Variants in PDE4D observed in about 807,000 individuals in gnomAD.
PDE4D encodes 3',5'-cyclic-AMP phosphodiesterase 4D.
In PDE4D, 24 loss-of-function variants were observed where a neutral mutation model predicts 87.4. The ratio of observed to expected loss-of-function variants is 0.27; its 90% CI spans 0.20 to 0.39. The LOEUF (loss-of-function observed/expected upper bound fraction) is 0.39, where lower values mean the gene tolerates loss of function less well. PDE4D is among the 10% of genes least tolerant of loss of function. The pLI is 1.00. For synonymous variants in PDE4D, 384 were observed against 383.2 expected, an observed-to-expected ratio of 1.00 and a Z score of -0.02; for missense variants, 714 against 1,041.0, an observed-to-expected ratio of 0.69 and a Z score of 4.32.
rs923790386 is a variant in PDE4D, at chr5:59,392,284, C to A, written c.456-176316G>T. Among the ~76,000 whole-genome samples the A allele has an allele frequency of 4.0e-5, 6 of 151,614 alleles. No individual in the cohort carries two copies. In the East Asian group the frequency reaches 1.2e-3, roughly 29 times the overall value. On this transcript the variant is annotated intron_variant, in intron 1 of 14. Transcript: ENST00000340635. ...CCAGCGCTGCTAGAATATAAGCAGG[C>A]AGAAACATGTGAAAAGAAAGACTGG...
Position 60,106,324 on chromosome 5 carries a change from T to C in PDE4D, c.42+79233A>G, listed in dbSNP as rs528721502. On this transcript the variant is annotated intron_variant, in intron 2 of 16. Transcript: ENST00000502484. ...AAGAGCTAACTATACTAAATATATA[T>C]GCACCCAATACAGGAGCACCCAGAT... 2.8e-4 allele frequency among the ~76,000 whole-genome samples: 43 copies of C among 151,946 alleles called. No homozygotes were observed. In the East Asian group the frequency reaches 7.4e-3, roughly 26 times the overall value.
At chr5:60,256,228 C>T (rs1209728765) in intron 1 of PDE4D, among the ~76,000 whole-genome samples, 2 of 151,818 alleles carry the variant, frequency 1.3e-5, no homozygotes, top group Non-Finnish European at 2.9e-5. Context: ...GTTCCAAAAT[C>T]ACATAATCCC....
At chr5:60,257,152 T>G (rs1749140668) in intron 1 of PDE4D, among the ~76,000 whole-genome samples, 1 of 148,544 alleles carries the variant, frequency 6.7e-6, no homozygotes, top group South Asian at 2.1e-4. Flanking sequence ...TACTTCTGCA[T>G]GTAATAAGAA....
At chr5:60,084,907 T>C (rs1774366048) in intron 2 of PDE4D, among the ~76,000 whole-genome samples, 1 of 152,190 alleles carries the variant, frequency 6.6e-6, no homozygotes, top group Non-Finnish European at 1.5e-5. Context: ...TTAAGCCTGA[T>C]TGATATAATA....
At chr5:59,719,052 A>T (rs1755444952) in intron 1 of PDE4D, among the ~76,000 whole-genome samples, 1 of 152,100 alleles carries the variant, frequency 6.6e-6, no homozygotes, top group African/African-American at 2.4e-5. Context: ...ATAAGGAGAC[A>T]TAAGTGGCTT....
chr5:60,278,829 T>C (rs948466529), intron 1 of PDE4D, among the ~76,000 whole-genome samples: 6 of 152,168 alleles, frequency 3.9e-5, no homozygotes, highest in Non-Finnish European at 7.4e-5. Context: ...GATTTGCTCA[T>C]TGAAGCGTTT....
At chr5:59,197,536 AT>A (rs1403619012) in intron 2 of PDE4D, among the ~76,000 whole-genome samples, 1 of 152,214 alleles carries the variant, frequency 6.6e-6, no homozygotes, top group Non-Finnish European at 1.5e-5. Flanking sequence ...TACCTAACAT[AT>A]AATTTTAAAA....
At chr5:59,490,783 GT>G (rs1468107825) in intron 1 of PDE4D, among the ~76,000 whole-genome samples, 2 of 152,200 alleles carry the variant, frequency 1.3e-5, no homozygotes, top group Non-Finnish European at 2.9e-5. Flanking sequence ...ACATTTTTAT[GT>G]GCCAGAATCA....
At chr5:60,113,549 A>G (rs1332035409) in intron 2 of PDE4D, among the ~76,000 whole-genome samples, 1 of 152,008 alleles carries the variant, frequency 6.6e-6, no homozygotes, top group Non-Finnish European at 1.5e-5. Context: ...TCATCCTACC[A>G]TAGTTGCTCA....
chr5:59,897,931 A>C (rs1751836101), upstream of PDE4D, among the ~76,000 whole-genome samples: 1 of 152,224 alleles, frequency 6.6e-6, no homozygotes. Context: ...TATTTCCTTG[A>C]GATATATGAA....
At chr5:60,171,777 A>G (rs1783451126) in intron 2 of PDE4D, among the ~76,000 whole-genome samples, 1 of 152,092 alleles carries the variant, frequency 6.6e-6, no homozygotes, top group Non-Finnish European at 1.5e-5. Context: ...GTTATAAAAA[A>G]GAAACTGAAT....
chr5:60,322,139 G>A (rs1391712162), intron 1 of PDE4D, among the ~76,000 whole-genome samples: 3 of 151,968 alleles, frequency 2.0e-5, no homozygotes, highest in African/African-American at 4.8e-5. Context: ...CAATAGCAAA[G>A]ACATGGACTC....
chr5:59,106,649 ACT>A (rs1199652523), intron 5 of PDE4D, among the ~76,000 whole-genome samples: 4 of 152,144 alleles, frequency 2.6e-5, no homozygotes, highest in African/African-American at 9.7e-5. Context: ...AATCCCAGCT[ACT>A]CAGGAGGCTG....
chr5:59,339,244 T>C (rs953114707), intron 1 of PDE4D, among the ~76,000 whole-genome samples: 2 of 152,224 alleles, frequency 1.3e-5, no homozygotes, highest in African/African-American at 2.4e-5. Flanking sequence ...CTTTTTCTGA[T>C]GTAGCAAAAA....
At chr5:59,016,276 TA>T (rs199858562) in intron 6 of PDE4D, among the ~76,000 whole-genome samples, 1 of 146,068 alleles carries the variant, frequency 6.8e-6, no homozygotes, top group African/African-American at 2.5e-5. Context: ...TAAAGTGTAA[TA>T]AAAAAATTAA....
At chr5:60,067,893 C>T (rs542473758) in intron 2 of PDE4D, among the ~76,000 whole-genome samples, 33 of 152,244 alleles carry the variant, frequency 2.2e-4, no homozygotes, top group Middle Eastern at 3.4e-3. Context: ...TTGTCACATA[C>T]GGCAATAGTT....
At chr5:60,168,800 G>C (rs1349872451) in intron 2 of PDE4D, among the ~76,000 whole-genome samples, 2 of 152,188 alleles carry the variant, frequency 1.3e-5, no homozygotes, top group African/African-American at 4.8e-5. Context: ...AAGTATTTTA[G>C]ATTTGCAATT....
At chr5:59,114,444 G>T (rs1214260092) in intron 5 of PDE4D, among the ~76,000 whole-genome samples, 3 of 152,140 alleles carry the variant, frequency 2.0e-5, no homozygotes, top group Non-Finnish European at 4.4e-5. Context: ...TGGATATGAA[G>T]AATTTTATAA....
chr5:60,319,831 C>T (rs1388266636), intron 1 of PDE4D, among the ~76,000 whole-genome samples: 3 of 152,186 alleles, frequency 2.0e-5, no homozygotes, highest in East Asian at 1.9e-4. Flanking sequence ...GCTGCCTGAT[C>T]GTTCCTCTGG....
Sources: allele counts gnomAD v4.1 joint callset (sites outside exome capture counted in the v4.1 genomes callset), GRCh38; gene constraint gnomAD v4.1.1; transcripts MANE v1.5; gene names NCBI Gene and HGNC (gene_info 2026-07-23, HGNC 2026-07-21).